The following PIGF variants were observed in gnomAD, a reference collection of about 807,000 sequenced individuals.
The protein encoded by PIGF is GPI ethanolamine phosphate transferase, stabilizing subunit.
A neutral mutation model predicts 26.0 loss-of-function variants in PIGF; 23 were observed. The ratio of observed to expected loss-of-function variants is 0.88; its 90% CI spans 0.64 to 1.25. The LOEUF (loss-of-function observed/expected upper bound fraction) is 1.25. Ranked by LOEUF, PIGF falls within the 50% of genes most tolerant of loss-of-function variation. PIGF has a pLI of 0.00. For missense variants in PIGF, 278 were observed against 249.9 expected (o/e 1.11, Z -0.76); for synonymous variants, 93 against 92.6 (o/e 1.00, Z -0.03).
chr2:46,592,297 A>AC (rs1669746170), intron 5 of PIGF, among the ~76,000 whole-genome samples, 178 bp downstream of exon 5: 2 of 152,226 alleles, frequency 1.3e-5, no homozygotes, highest in African/African-American at 2.4e-5. Context: ...CTACCTAGAC[A>AC]CCTGTGGCAC....
intron 4 of PIGF, among the ~76,000 whole-genome samples, chr2:46,595,711 A>G (rs1669861403): frequency 6.6e-6 from 1 of 152,220 alleles, no homozygotes; most frequent in Non-Finnish European, 1.5e-5. Context: ...ACCATTTTAT[A>G]TTCCCACCAG....
intron 3 of PIGF, among the ~76,000 whole-genome samples, chr2:46,613,156 A>C (rs1381238872): frequency 6.6e-6 from 1 of 152,070 alleles, no homozygotes; most frequent in Non-Finnish European, 1.5e-5. Flanking sequence ...GCTAAACTGA[A>C]GCTTCTCAAA....
chr2:46,611,597 A>C (rs1409611879), intron 4 of PIGF, among the ~76,000 whole-genome samples: 1 of 152,218 alleles, frequency 6.6e-6, no homozygotes, highest in Non-Finnish European at 1.5e-5. Flanking sequence ...CTGGGTGATA[A>C]ATAGGAAAGA....
intron 1 of PIGF, chr2:46,616,028 A>G (rs990536832): frequency 7.0e-6 from 1 of 141,978 alleles, no homozygotes; most frequent in Non-Finnish European, 1.5e-5. Context: ...AGAAAAAAAA[A>G]TACTATACAC....
intron 5 of PIGF, among the ~76,000 whole-genome samples, chr2:46,583,557 C>T (rs1358988711): frequency 1.3e-5 from 2 of 152,084 alleles, no homozygotes; most frequent in African/African-American, 4.8e-5. Flanking sequence ...TTATCAAGAG[C>T]TTTTTAATTG....
At chr2:46,607,734 G>T (rs554793280) in intron 4 of PIGF, among the ~76,000 whole-genome samples, 4 of 151,410 alleles carry the variant, frequency 2.6e-5, no homozygotes, top group Non-Finnish European at 5.9e-5. Flanking sequence ...TCGCTCTATC[G>T]CCCAGGCTGG....
At position 46,613,774 on chromosome 2, in the gene PIGF, A is replaced by C. The variant is rs1319097177; in HGVS notation, c.240T>G (p.Phe80Leu). 1 of 1,549,462 alleles carries C rather than the reference A, an allele frequency of 6.5e-7. No individual in the cohort carries two copies. Residue 80 changes from phenylalanine to leucine, a missense_variant, in exon 3 of 6, where the codon TTT becomes TTG. Coordinates refer to ENST00000281382, the MANE Select transcript of PIGF (RefSeq NM_002643.4). ...RSSLSHKVTG[F>L]LKCCIYFLMS... ...TAAGAAAGTAGATACAGCATTTCAAAAATCCAGTTACCTAAAAGAGAAATG... is the reference window on the plus strand; with the variant it reads ...TAAGAAAGTAGATACAGCATTTCAACAATCCAGTTACCTAAAAGAGAAATG...
intron 4 of PIGF, 41 bp from the exon 5 acceptor site, chr2:46,592,624 T>C (rs749820138): frequency 6.3e-6 from 6 of 957,758 alleles, no homozygotes; most frequent in African/African-American, 4.8e-5. Flanking sequence ...GGTATATACA[T>C]GAGCTGCTGG....
In PIGF at chr2:46,589,402, A is replaced by T. The variant is rs1486262890; in HGVS notation, c.546+3073T>A. 2.0e-5 allele frequency among the ~76,000 whole-genome samples: 3 copies of T among 152,028 alleles called. No homozygotes were observed. Among genetic ancestry groups the T allele is most frequent in the Non-Finnish European group, 4.4e-5 (3 of 67,930 alleles). On this transcript the variant is annotated intron_variant, in intron 5 of 5. Transcript: ENST00000281382. This position sits in a 1 kb window ranked among gnomAD's most constrained non-coding sequence, Gnocchi z 4.7. The stretch of plus-strand genomic sequence containing the variant: ...CTCATTACAGAATCCACATCACTAT[A>T]ATCTTATGCTTGGCCTCAGGAATGT...
At chr2:46,602,692 C>A (rs1670096842) in intron 4 of PIGF, among the ~76,000 whole-genome samples, 1 of 151,772 alleles carries the variant, frequency 6.6e-6, no homozygotes, top group Non-Finnish European at 1.5e-5. Context: ...ATTTTAAATA[C>A]TTTTTATTAA....
At chr2:46,587,077 C>A (rs953033587) in intron 5 of PIGF, among the ~76,000 whole-genome samples, 1 of 152,162 alleles carries the variant, frequency 6.6e-6, no homozygotes, top group African/African-American at 2.4e-5. Flanking sequence ...ACATGATTAC[C>A]CTACGATGAA....
chr2:46,586,309 T>C (rs1324030382), intron 5 of PIGF, among the ~76,000 whole-genome samples: 1 of 152,238 alleles, frequency 6.6e-6, no homozygotes, highest in African/African-American at 2.4e-5. Flanking sequence ...TAAAGGCTCA[T>C]ATGAATGACT....
rs551610457 is a variant in PIGF, at chr2:46,612,404, A to C, written c.321-60T>G. The C allele has an allele frequency of 1.0e-4, 51 of 492,650 alleles. 1 individual carries two copies. In the South Asian group the frequency reaches 2.4e-3, roughly 23 times the overall value. 30.5% of individuals were successfully genotyped at this position (492,650 alleles called of 1,614,324 possible). On this transcript the variant is annotated intron_variant, in intron 3 of 5. Transcript: ENST00000281382. Reference sequence around the variant, plus strand: ...GTTAAAGGTAAACATACACATACATAATCTTTATTATATAAATAAAATGTG... The same window carrying C: ...GTTAAAGGTAAACATACACATACATCATCTTTATTATATAAATAAAATGTG...
intron 5 of PIGF, among the ~76,000 whole-genome samples, chr2:46,584,566 A>C (rs1195525054): frequency 6.6e-6 from 1 of 152,204 alleles, no homozygotes; most frequent in East Asian, 1.9e-4. Flanking sequence ...CAAAAATGAA[A>C]TGTTAAAAAA....
intron 2 of PIGF, 189 bp from the exon 3 acceptor site, chr2:46,613,974 C>T: frequency 2.0e-6 from 1 of 504,974 alleles, no homozygotes; most frequent in Non-Finnish European, 3.5e-6. Flanking sequence ...ACTAAAAAAG[C>T]CTAAAAGGCA....
chr2:46,608,270 T>A (rs2104126825), intron 4 of PIGF, among the ~76,000 whole-genome samples: 1 of 152,342 alleles, frequency 6.6e-6, no homozygotes, highest in East Asian at 1.9e-4. Context: ...CCATTTTCTT[T>A]CTCATCCAGA....
chr2:46,614,865 G>T, intron 2 of PIGF, 72 bp downstream of exon 2: 1 of 707,254 alleles, frequency 1.4e-6, no homozygotes, highest in Non-Finnish European at 2.5e-6. Context: ...AAGACTTGAT[G>T]AATACTTTAT....
chr2:46,587,902 T>TAAAA (rs1558699705), intron 5 of PIGF, among the ~76,000 whole-genome samples: 1 of 152,290 alleles, frequency 6.6e-6, no homozygotes, highest in Admixed American at 6.5e-5. Context: ...GACCATTTTT[T>TAAAA]AAAAAGAAAA....
intron 4 of PIGF, among the ~76,000 whole-genome samples, chr2:46,601,078 A>G (rs997719295): frequency 1.3e-5 from 2 of 152,114 alleles, no homozygotes; most frequent in Non-Finnish European, 2.9e-5. Context: ...GATAAAAAGA[A>G]TAAAATAGGT....
Sources: allele counts gnomAD v4.1 joint callset (sites outside exome capture counted in the v4.1 genomes callset), GRCh38; gene constraint gnomAD v4.1.1; non-coding constraint Gnocchi (gnomAD v3.1); transcripts MANE v1.5; gene names NCBI Gene and HGNC (gene_info 2026-07-23, HGNC 2026-07-21).